The following PTPRN2 variants were observed in gnomAD, a reference collection of about 807,000 sequenced individuals.
PTPRN2 encodes the protein protein tyrosine phosphatase receptor type N2, also known as receptor-type tyrosine-protein phosphatase N2.
A neutral mutation model predicts 118.8 loss-of-function variants in PTPRN2; 74 were observed. The ratio of observed to expected loss-of-function variants is 0.62; its 90% confidence interval spans 0.52 to 0.76. The LOEUF (loss-of-function observed/expected upper bound fraction) is 0.76, where lower values mean the gene tolerates loss of function less well. PTPRN2 is among the 30% of genes least tolerant of loss of function. The pLI, the probability that PTPRN2 is intolerant of heterozygous loss-of-function variation, is 0.00. For missense variants in PTPRN2, 1,481 were observed against 1,394.4 expected (o/e 1.06, Z -0.99); for synonymous variants, 641 against 608.0 (o/e 1.05, Z -0.80).
At chr7:158,141,316 C>A (rs1479143660) in intron 6 of PTPRN2, among the ~76,000 whole-genome samples, 1 of 152,234 alleles carries the variant, frequency 6.6e-6, no homozygotes, top group Non-Finnish European at 1.5e-5. Context: ...CAGGGCTCGA[C>A]AGTGGCACTG....
At chr7:158,223,306 A>C (rs1828502428) in intron 3 of PTPRN2, among the ~76,000 whole-genome samples, 2 of 152,240 alleles carry the variant, frequency 1.3e-5, no homozygotes, top group South Asian at 4.1e-4. Flanking sequence ...GCGAGGAAAC[A>C]GTTCCCAATT....
At chr7:157,677,659 A>T (rs1585223301) in intron 13 of PTPRN2, among the ~76,000 whole-genome samples, 1 of 152,078 alleles carries the variant, frequency 6.6e-6, no homozygotes, top group East Asian at 1.9e-4. Context: ...AAGCCGGCTG[A>T]CCCCACATAC....
intron 11 of PTPRN2, among the ~76,000 whole-genome samples, chr7:157,942,317 G>A (rs373533361): frequency 3.9e-5 from 6 of 152,238 alleles, no homozygotes; most frequent in African/African-American, 9.6e-5. Context: ...CAGAGCCCAC[G>A]GTGGGGTCCT....
intron 21 of PTPRN2, among the ~76,000 whole-genome samples, chr7:157,566,959 C>T (rs542507263): frequency 6.6e-6 from 1 of 152,350 alleles, no homozygotes; most frequent in African/African-American, 2.4e-5. Context: ...CAACTCACCA[C>T]ATCACACGTT....
chr7:158,145,484 G>A (rs1229853311), intron 6 of PTPRN2, among the ~76,000 whole-genome samples: 1 of 152,230 alleles, frequency 6.6e-6, no homozygotes, highest in Non-Finnish European at 1.5e-5. Flanking sequence ...TGTAGAGTTT[G>A]GGGAACTGGC....
At chr7:158,215,146 T>C (rs1179436642) in intron 3 of PTPRN2, among the ~76,000 whole-genome samples, 1 of 152,098 alleles carries the variant, frequency 6.6e-6, no homozygotes, top group Non-Finnish European at 1.5e-5. Flanking sequence ...AATGAAAAAG[T>C]AGGATGTCTC....
At chr7:158,348,166 G>A (rs1337075330) in intron 2 of PTPRN2, among the ~76,000 whole-genome samples, 1 of 152,056 alleles carries the variant, frequency 6.6e-6, no homozygotes, top group African/African-American at 2.4e-5. Context: ...TGAACAGGTG[G>A]ACAAGCAGCC....
intron 9 of PTPRN2, among the ~76,000 whole-genome samples, chr7:158,130,579 A>G (rs937713820): frequency 1.3e-5 from 2 of 151,948 alleles, no homozygotes; most frequent in Non-Finnish European, 2.9e-5. Context: ...ACACACATGC[A>G]CATATGCACA....
intron 2 of PTPRN2, among the ~76,000 whole-genome samples, chr7:158,437,434 G>C (rs1816646482): frequency 6.6e-6 from 1 of 152,150 alleles, no homozygotes; most frequent in Non-Finnish European, 1.5e-5. Flanking sequence ...TTTGTGTCTT[G>C]GTCTTGCTTC....
At chr7:158,452,594 C>T (rs1818159309) in intron 2 of PTPRN2, among the ~76,000 whole-genome samples, 1 of 152,224 alleles carries the variant, frequency 6.6e-6, no homozygotes, top group South Asian at 2.1e-4. Flanking sequence ...TGTGGCATCT[C>T]AAGGTGACCT....
At chr7:157,909,094 T>C (rs182269982) in intron 11 of PTPRN2, among the ~76,000 whole-genome samples, 95 of 152,304 alleles carry the variant, frequency 6.2e-4, no homozygotes, top group East Asian at 4.2e-3. Context: ...CATTAATTTA[T>C]TACTCAGCCA....
At chr7:157,968,401 G>T (rs936411671) in intron 11 of PTPRN2, among the ~76,000 whole-genome samples, 2 of 152,166 alleles carry the variant, frequency 1.3e-5, no homozygotes, top group Non-Finnish European at 2.9e-5. Flanking sequence ...TAAGTGAGGA[G>T]GGCACAGAGC....
intron 3 of PTPRN2, among the ~76,000 whole-genome samples, chr7:158,241,908 C>T (rs1795924890): frequency 6.6e-6 from 1 of 152,170 alleles, no homozygotes; most frequent in Non-Finnish European, 1.5e-5. Flanking sequence ...CACAGCTCTA[C>T]CAAAGCTGCC....
Position 158,178,589 on chromosome 7 carries a change from C to CTT in PTPRN2, c.550-11300_550-11299dup, listed in dbSNP as rs56710690. On this transcript the variant is annotated intron_variant, in intron 5 of 22. Transcript: ENST00000389418. ...TGTATATATATACTACATTTTCTTT[C>CTT]TTTTTTTTTTTTTTTTTTTTTTTTT... Among the ~76,000 whole-genome samples the CTT allele has an allele frequency of 8.3e-4, 56 of 67,370 alleles. 3 individuals are homozygous for CTT. The highest frequency in any genetic ancestry group is 1.1e-3 in the East Asian group (2 of 1,752). 44.2% of individuals were successfully genotyped at this position (67,370 alleles called of 152,430 possible). A position where few individuals can be genotyped will look rare whatever the true frequency, so the allele number is the denominator to read the frequency against.
intron 2 of PTPRN2, among the ~76,000 whole-genome samples, chr7:158,400,999 T>C (rs1812903880): frequency 6.6e-6 from 1 of 151,948 alleles, no homozygotes; most frequent in Admixed American, 6.6e-5. Flanking sequence ...CGGTGGGCCC[T>C]GCTCCGCCTC....
At chr7:157,812,386 A>G (rs1806107502) in intron 12 of PTPRN2, among the ~76,000 whole-genome samples, 2 of 145,588 alleles carry the variant, frequency 1.4e-5, no homozygotes, top group South Asian at 4.2e-4. Flanking sequence ...CCTTTGGGGC[A>G]TGAGGGAGGT....
chr7:157,804,476 C>G (rs1478752104), intron 12 of PTPRN2, among the ~76,000 whole-genome samples: 1 of 152,092 alleles, frequency 6.6e-6, no homozygotes, highest in African/African-American at 2.4e-5. Flanking sequence ...CATGCAGCTG[C>G]TCCAGAGAAT....
chr7:157,608,202 G>A (rs1297183850), intron 15 of PTPRN2, among the ~76,000 whole-genome samples: 1 of 152,106 alleles, frequency 6.6e-6, no homozygotes, highest in African/African-American at 2.4e-5. Flanking sequence ...CGAGTAGCTG[G>A]GACTACAGGC....
chr7:157,781,692 C>T (rs993428493), intron 12 of PTPRN2, among the ~76,000 whole-genome samples: 2 of 152,226 alleles, frequency 1.3e-5, no homozygotes, highest in Admixed American at 6.5e-5. Context: ...TCCCAGGTTG[C>T]TTTCTTGCCC....
Sources: gnomAD v4.1 joint callset for allele counts (sites outside exome capture counted in the v4.1 genomes callset) on GRCh38, gnomAD v4.1.1 for gene constraint, MANE v1.5 for transcripts, NCBI Gene and HGNC (gene_info 2026-07-23, HGNC 2026-07-21) for gene names.